Variants in SLC25A43 observed in about 807,000 individuals in gnomAD.
The protein encoded by SLC25A43 is solute carrier family 25, member 43.
In SLC25A43, 10 loss-of-function variants were observed where a neutral mutation model predicts 22.8. The observed-to-expected ratio is 0.44, with a 90% CI of 0.27 to 0.74. The LOEUF is 0.74. SLC25A43 is among the 30% of genes least tolerant of loss of function. The pLI, the probability that SLC25A43 is intolerant of heterozygous loss-of-function variation, is 0.17. For synonymous variants in SLC25A43, 106 were observed against 121.6 expected (o/e 0.87, Z 0.84); for missense variants, 233 against 279.1 (o/e 0.83, Z 1.18).
chrX:119,409,379 G>A (rs978223902), intron 2 of SLC25A43, among the ~76,000 whole-genome samples: 6 of 107,447 alleles, frequency 5.6e-5, no homozygotes, highest in East Asian at 2.9e-4. Context: ...TGGAGTTTCC[G>A]TTTTAGTAGA....
chrX:119,412,331 C>T (rs776554616), intron 3 of SLC25A43, among the ~76,000 whole-genome samples: 2 of 110,944 alleles, frequency 1.8e-5, no homozygotes, highest in East Asian at 5.6e-4. Context: ...AGATATTAAC[C>T]CTTTGTCATA....
rs915460477 is a variant in SLC25A43, at chrX:119,430,552, T to C, written c.690+20190T>C. 4.5e-5 allele frequency among the ~76,000 whole-genome samples: 5 copies of C among 112,052 alleles called. No homozygotes were observed. The East Asian group carries it at 1.4e-3, about 32-fold the overall frequency. On this transcript the variant is annotated intron_variant, in intron 3 of 4. Transcript: ENST00000217909. Reference sequence around the variant, plus strand: ...CAGTGTCAGCAGCAGGCTGATGGACTCAGGTTTGAGCCCAGAGCTGCCTTG... The same window carrying C: ...CAGTGTCAGCAGCAGGCTGATGGACCCAGGTTTGAGCCCAGAGCTGCCTTG...
At chrX:119,445,223 C>T (rs1679628987) in intron 3 of SLC25A43, among the ~76,000 whole-genome samples, 1 of 110,600 alleles carries the variant, frequency 9.0e-6, no homozygotes, top group Admixed American at 9.7e-5. Context: ...TGAAAAGTGT[C>T]TCTACTAGGT....
intron 3 of SLC25A43, among the ~76,000 whole-genome samples, chrX:119,417,754 C>T (rs1301135468): frequency 1.9e-5 from 2 of 103,876 alleles, no homozygotes; most frequent in African/African-American, 7.1e-5. Context: ...CAAATAGATG[C>T]AAAGTCATGA....
At chrX:119,404,964 A>G (rs1037646890) in intron 1 of SLC25A43, among the ~76,000 whole-genome samples, 1 of 111,732 alleles carries the variant, frequency 8.9e-6, no homozygotes, top group African/African-American at 3.3e-5. Flanking sequence ...ATGGGGCAGG[A>G]CCCTCTCTGG....
chrX:119,443,118 T>C (rs111738136), intron 3 of SLC25A43, among the ~76,000 whole-genome samples: 1,297 of 59,071 alleles, frequency 0.022, 20 homozygotes, highest in African/African-American at 0.098. Context: ...TTCTCTCTCT[T>C]TTTTTTTTTT....
intron 1 of SLC25A43, among the ~76,000 whole-genome samples, chrX:119,404,758 A>G (rs148770848): frequency 0.023 from 2,600 of 111,175 alleles, 65 homozygotes; most frequent in African/African-American, 0.076. Context: ...CCTGGGTCAC[A>G]CTGGAAGAAG....
At chrX:119,400,190 C>T in intron 1 of SLC25A43, among the ~76,000 whole-genome samples, 1 of 109,758 alleles carries the variant, frequency 9.1e-6, no homozygotes, top group Admixed American at 9.7e-5. Flanking sequence ...AGATTTTTGC[C>T]CACACATCTC....
chrX:119,399,667 C>A lies in SLC25A43; in HGVS notation c.264C>A (p.Ala88=). 1 of 988,727 alleles carries A rather than the reference C, an allele frequency of 1.0e-6. No individual in the cohort carries two copies. The highest frequency in any genetic ancestry group is 4.1e-5 in the East Asian group (1 of 24,209). 81.5% of individuals were successfully genotyped at this position (988,727 alleles called of 1,213,427 possible). A position where few individuals can be genotyped will look rare whatever the true frequency, so the allele number is the denominator to read the frequency against. ...TCCCCTGCAGCGCCGTGCAGCTCGC[C>A]GCCTACCGCAAGTAAGAGCCGGGCG... The part of the protein sequence containing the change: ...RLFPCSAVQL[A]AYRKFVVLFT... The change falls in exon 1 of 5, where the codon GCC becomes GCA. Residue 88 remains alanine (A), a synonymous_variant. Coordinates refer to ENST00000217909, the MANE Select transcript of SLC25A43 (RefSeq NM_145305.3).
At chrX:119,414,839 C>T (rs1221803054) in intron 3 of SLC25A43, among the ~76,000 whole-genome samples, 1 of 108,998 alleles carries the variant, frequency 9.2e-6, no homozygotes, top group African/African-American at 3.3e-5. Context: ...CCTCGACTTC[C>T]CAGGCTCAGG....
chrX:119,406,205 T>C (rs2052295466), intron 1 of SLC25A43, among the ~76,000 whole-genome samples: 1 of 112,445 alleles, frequency 8.9e-6, no homozygotes, highest in Admixed American at 9.4e-5. Flanking sequence ...TAGATAAAAG[T>C]AGAAAATGCT....
intron 1 of SLC25A43, among the ~76,000 whole-genome samples, chrX:119,400,164 G>C (rs183806912): frequency 2.7e-5 from 3 of 110,069 alleles, no homozygotes; most frequent in East Asian, 2.9e-4. Flanking sequence ...CCGATCCATC[G>C]ATACGAAAAG....
chrX:119,416,787 T>G (rs781293738), intron 3 of SLC25A43, among the ~76,000 whole-genome samples: 33 of 112,434 alleles, frequency 2.9e-4, no homozygotes, highest in African/African-American at 1.1e-3. Flanking sequence ...TCAACTTTGT[T>G]GACATCATTC....
chrX:119,450,340 C>T (rs963602274), intron 3 of SLC25A43, among the ~76,000 whole-genome samples: 4 of 111,882 alleles, frequency 3.6e-5, no homozygotes, highest in African/African-American at 1.3e-4. Flanking sequence ...CAATGGAATA[C>T]ATTTCATTTA....
intron 3 of SLC25A43, among the ~76,000 whole-genome samples, chrX:119,418,259 T>C (rs1353729117): frequency 9.0e-6 from 1 of 111,664 alleles, no homozygotes; most frequent in Non-Finnish European, 1.9e-5. Flanking sequence ...AAGAGAGGGC[T>C]TTAATAACAG....
intron 1 of SLC25A43, among the ~76,000 whole-genome samples, chrX:119,400,397 C>T (rs1177605000): frequency 2.7e-5 from 3 of 111,603 alleles, no homozygotes; most frequent in Non-Finnish European, 1.9e-5. Context: ...AAGCTTCCAC[C>T]GAGCTCAGAG....
intron 1 of SLC25A43, among the ~76,000 whole-genome samples, chrX:119,404,450 AGAG>A (rs2052269368): frequency 8.9e-6 from 1 of 112,286 alleles, no homozygotes; most frequent in Admixed American, 9.4e-5. Context: ...CAAAGGATAC[AGAG>A]AAGAGATGGG....
intron 3 of SLC25A43, among the ~76,000 whole-genome samples, chrX:119,446,105 A>G (rs897773016): frequency 1.7e-4 from 16 of 96,731 alleles, no homozygotes; most frequent in Non-Finnish European, 2.7e-4. Flanking sequence ...GTGAGCCGAG[A>G]TCAACCACTG....
chrX:119,442,280 C>A (rs2052629093), intron 3 of SLC25A43, among the ~76,000 whole-genome samples: 1 of 111,757 alleles, frequency 8.9e-6, no homozygotes, highest in African/African-American at 3.3e-5. Context: ...CTTGATTTAT[C>A]ACAAGTTGAT....
Sources: allele counts gnomAD v4.1 joint callset (sites outside exome capture counted in the v4.1 genomes callset), GRCh38; gene constraint gnomAD v4.1.1; transcripts MANE v1.5; gene names NCBI Gene and HGNC (gene_info 2026-07-23, HGNC 2026-07-21).